BST1: variants seen among roughly 807,000 people sequenced by gnomAD.
The protein encoded by BST1 is ADP-ribosyl cyclase/cyclic ADP-ribose hydrolase 2.
In BST1, 49 loss-of-function variants were observed where a neutral mutation model predicts 40.6. The observed-to-expected ratio is 1.21, with a 90% CI of 0.96 to 1.53. BST1 has a LOEUF of 1.53. BST1 is among the 40% of genes most tolerant of loss of function. The pLI is 0.00. For synonymous variants in BST1, 157 were observed against 159.3 expected (o/e 0.99, Z 0.11); for missense variants, 423 against 395.9 (o/e 1.07, Z -0.58).
At chr4:15,741,571 C>A (rs6822515), downstream of BST1, among the ~76,000 whole-genome samples, 9,730 of 152,116 alleles carry the variant, frequency 0.064, 511 homozygotes, top group East Asian at 0.16. Context: ...GTCAATGGCC[C>A]ATAGCAGGGG....
the BST1 span, among the ~76,000 whole-genome samples, chr4:15,774,037 G>T: frequency 2.0e-5 from 3 of 152,116 alleles, no homozygotes; most frequent in East Asian, 5.8e-4. Context: ...CTTCAAAAAG[G>T]TAATTAAGTT....
chr4:15,722,902 C>T lies in BST1; in HGVS notation c.819C>T (p.Asp273=), dbSNP rs2148890786. The change falls in exon 8 of 9, where the codon GAC becomes GAT. Residue 273 remains aspartate (D), a synonymous_variant. Coordinates refer to ENST00000265016, the MANE Select transcript of BST1 (RefSeq NM_004334.3). ...CAGTGAAGCTCTTACAGTGCGTGGA[C>T]CACAGCACCCATCCTGACTGTGCCT... ...YRPVKLLQCV[D]HSTHPDCALK... is the part of the protein sequence containing the mutation. 6.2e-7 allele frequency: 1 copy of T among 1,613,724 alleles called. No individual in the cohort carries two copies. Among genetic ancestry groups the T allele is most frequent in the Non-Finnish European group, 8.5e-7 (1 of 1,179,742 alleles).
At position 15,731,786 on chromosome 4, in the gene BST1, C is replaced by G. The variant is rs1300549056; in HGVS notation, c.898C>G (p.Gln300Glu). The G allele has an allele frequency of 3.1e-6, 5 of 1,613,820 alleles. No homozygotes were observed. Among genetic ancestry groups the G allele is most frequent in the Non-Finnish European group, 3.4e-6 (4 of 1,179,914 alleles). Residue 300 changes from glutamine to glutamate, a missense_variant, in exon 9 of 9, where the codon CAA (glutamine) becomes GAA (glutamate). Coordinates refer to ENST00000265016, the MANE Select transcript of BST1 (RefSeq NM_004334.3). Reference protein sequence around the residue: ...QRKAPSLYTEQRAGLIIPLFL... With the variant: ...QRKAPSLYTEERAGLIIPLFL... ...AAAAGCCCCAAGTCTTTATACAGAA[C>G]AAAGGGCGGGTCTTATCATTCCCCT...
intron 8 of BST1, chr4:15,730,849 CTT>C (rs941145054): frequency 3.0e-5 from 5 of 166,364 alleles, no homozygotes; most frequent in African/African-American, 1.2e-4. Flanking sequence ...GACTAAGAGA[CTT>C]TTACTTTCCA....
the BST1 span, among the ~76,000 whole-genome samples, chr4:15,755,142 T>A: frequency 6.6e-6 from 1 of 152,140 alleles, no homozygotes; most frequent in African/African-American, 2.4e-5. Flanking sequence ...CTTTTTTTTA[T>A]TTTTTTATTT....
intron 2 of BST1, among the ~76,000 whole-genome samples, chr4:15,706,530 GAA>G (rs1439988024): frequency 3.9e-5 from 6 of 152,286 alleles, no homozygotes; most frequent in Non-Finnish European, 8.8e-5. Flanking sequence ...AAAATAATGA[GAA>G]AATTTCCATA....
At chr4:15,714,296 A>C (rs1179993402) in intron 4 of BST1, among the ~76,000 whole-genome samples, 2 of 152,080 alleles carry the variant, frequency 1.3e-5, no homozygotes, top group Admixed American at 6.6e-5. Context: ...TCACCTCTAC[A>C]CCTCCTTCAT....
chr4:15,761,247 TG>T, the BST1 span, among the ~76,000 whole-genome samples: 2 of 151,956 alleles, frequency 1.3e-5, no homozygotes, highest in African/African-American at 4.9e-5. Flanking sequence ...GGTTTCTCCA[TG>T]GGCATATAGT....
chr4:15,746,798 T>G, the BST1 span, among the ~76,000 whole-genome samples: 1 of 152,122 alleles, frequency 6.6e-6, no homozygotes, highest in Admixed American at 6.5e-5. Flanking sequence ...AAAACAAATG[T>G]GAGAGGGGGC....
In BST1 at chr4:15,722,905, C is replaced by T. The variant is rs764732343; in HGVS notation, c.822C>T (p.His274=). 8.1e-6 allele frequency: 13 copies of T among 1,613,710 alleles called. No individual in the cohort carries two copies. Among genetic ancestry groups the T allele is most frequent in the Admixed American group, 3.3e-5 (2 of 59,986 alleles). ...TGAAGCTCTTACAGTGCGTGGACCACAGCACCCATCCTGACTGTGCCTTAA... is the reference window on the plus strand; with the variant it reads ...TGAAGCTCTTACAGTGCGTGGACCATAGCACCCATCCTGACTGTGCCTTAA... ...RPVKLLQCVD[H]STHPDCALKS... is the part of the protein sequence containing the mutation. The change falls in exon 8 of 9, where the codon CAC becomes CAT. Residue 274 remains histidine, a synonymous_variant. Transcript: ENST00000265016.
At position 15,703,221 on chromosome 4, in the gene BST1, C is replaced by T. The variant is rs1560274245; in HGVS notation, c.77C>T (p.Ala26Val). Residue 26 changes from alanine (A) to valine (V), a missense_variant, in exon 1 of 9, where the codon GCG (alanine) becomes GTG (valine). Physicochemically the swap from Ala to Val is moderately conservative, Grantham distance 64. Coordinates refer to ENST00000265016, the MANE Select transcript of BST1 (RefSeq NM_004334.3). ...LQLLLLLLLL[A>V]AGGARARWRG... is the part of the protein sequence containing the mutation. The stretch of plus-strand genomic sequence containing the variant: ...CTTCTGCTTCTACTGTTGCTGCTGG[C>T]GGCGGGCGGGGCGCGCGCGCGGTGG... 3.2e-6 allele frequency: 5 copies of T among 1,548,852 alleles called. No homozygotes were observed. Among genetic ancestry groups the T allele is most frequent in the Admixed American group, 2.0e-5 (1 of 50,854 alleles).
At chr4:15,711,498 G>A (rs1433659953) in intron 3 of BST1, among the ~76,000 whole-genome samples, 1 of 152,128 alleles carries the variant, frequency 6.6e-6, no homozygotes, top group Non-Finnish European at 1.5e-5. Flanking sequence ...ACATTGTTGA[G>A]AAATAACCCA....
At position 15,703,904 on chromosome 4, in the gene BST1, G is replaced by A. The variant is rs1297422550; in HGVS notation, c.188+572G>A. The stretch of plus-strand genomic sequence containing the variant: ...AGGTGAAGGGGGTGTGTGTGCGTGC[G>A]CTCTAGAGGTGAGGGGTGTGTGTAT... On this transcript the variant is annotated intron_variant, in intron 1 of 8. Coordinates refer to ENST00000265016, the MANE Select transcript of BST1 (RefSeq NM_004334.3). Among the ~76,000 whole-genome samples, 13 of 142,074 alleles carry A rather than the reference G, an allele frequency of 9.2e-5. No homozygotes were observed. In the Middle Eastern group the frequency reaches 0.012, roughly 133 times the overall value. 93.2% of individuals were successfully genotyped at this position (142,074 alleles called of 152,430 possible).
At chr4:15,751,973 G>C in the BST1 span, among the ~76,000 whole-genome samples, 1 of 152,118 alleles carries the variant, frequency 6.6e-6, no homozygotes, top group Non-Finnish European at 1.5e-5. Context: ...ATGAATTATT[G>C]CCGTTTTATA....
intron 8 of BST1, among the ~76,000 whole-genome samples, chr4:15,730,569 AC>A (rs529518521): frequency 2.7e-4 from 41 of 152,358 alleles, no homozygotes; most frequent in Middle Eastern, 6.8e-3. Context: ...TGAAGAACGC[AC>A]GTTGCAGATT....
At chr4:15,713,821 A>G (rs1328664300) in intron 4 of BST1, among the ~76,000 whole-genome samples, 3 of 151,916 alleles carry the variant, frequency 2.0e-5, no homozygotes. Context: ...CTCACACCTC[A>G]GCCTCCCGAG....
downstream of BST1, among the ~76,000 whole-genome samples, chr4:15,733,670 G>A (rs1036779873): frequency 8.5e-5 from 13 of 152,196 alleles, no homozygotes; most frequent in African/African-American, 2.9e-4. Flanking sequence ...GGCCAGAGAA[G>A]GAGGAAGGGA....
downstream of BST1, among the ~76,000 whole-genome samples, chr4:15,733,174 G>T (rs1388675952): frequency 6.6e-6 from 1 of 152,184 alleles, no homozygotes; most frequent in South Asian, 2.1e-4. Context: ...CCCACATCCT[G>T]CTGATTGGTC....
intron 3 of BST1, among the ~76,000 whole-genome samples, chr4:15,710,594 C>G (rs1158096093): frequency 6.6e-6 from 1 of 152,144 alleles, no homozygotes; most frequent in African/African-American, 2.4e-5. Context: ...ATCCATTCCC[C>G]TCTCCAGCCT....
Sources: allele counts gnomAD v4.1 joint callset (sites outside exome capture counted in the v4.1 genomes callset), GRCh38; gene constraint gnomAD v4.1.1; transcripts MANE v1.5; gene names NCBI Gene and HGNC (gene_info 2026-07-23, HGNC 2026-07-21).